The following COMMD1 variants were observed in gnomAD, a reference collection of about 807,000 sequenced individuals.
COMMD1 encodes the protein COMM domain-containing protein 1.
COMMD1 carries 10 observed loss-of-function variants against 17.2 expected under a neutral mutation model. That is an observed-to-expected ratio of 0.58 (90% CI 0.36 to 0.99). The LOEUF (loss-of-function observed/expected upper bound fraction) is 0.99, where lower values mean the gene tolerates loss of function less well. COMMD1 is among the 50% of genes least tolerant of loss of function. COMMD1 has a pLI of 0.01. For missense variants in COMMD1, 270 were observed against 231.8 expected (o/e 1.17, Z -1.07); for synonymous variants, 97 against 91.6 (o/e 1.06, Z -0.34).
chr2:62,095,833 T>TATATATA (rs1671991549), intron 2 of COMMD1, among the ~76,000 whole-genome samples: 1 of 137,096 alleles, frequency 7.3e-6, no homozygotes, highest in Non-Finnish European at 1.6e-5. Flanking sequence ...CATATCAGGG[T>TATATATA]TATATATACA....
chr2:62,010,559 A>G (rs1330067161), intron 2 of COMMD1, among the ~76,000 whole-genome samples: 1 of 152,202 alleles, frequency 6.6e-6, no homozygotes, highest in Non-Finnish European at 1.5e-5. Flanking sequence ...TTAAATGTGT[A>G]AAAGGTATCA....
chr2:62,119,966 GTTTA>G (rs139856602), intron 2 of COMMD1, among the ~76,000 whole-genome samples: 92 of 151,896 alleles, frequency 6.1e-4, no homozygotes, highest in African/African-American at 2.2e-3. Flanking sequence ...GGATGACTTT[GTTTA>G]TTTATTTTTT....
intron 1 of COMMD1, among the ~76,000 whole-genome samples, chr2:61,986,053 C>T (rs951972483): frequency 6.6e-6 from 1 of 152,166 alleles, no homozygotes; most frequent in African/African-American, 2.4e-5. Context: ...TCTTGTAGGA[C>T]AGGTCTGGTG....
chr2:62,053,639 A>C (rs1558578880), intron 2 of COMMD1, among the ~76,000 whole-genome samples: 1 of 152,232 alleles, frequency 6.6e-6, no homozygotes, highest in Non-Finnish European at 1.5e-5. Flanking sequence ...GACGATAATC[A>C]TCCAGCAGAA....
At chr2:61,905,642 A>C, upstream of COMMD1, 1 of 1,502,952 alleles carries the variant, frequency 6.7e-7, no homozygotes, top group Non-Finnish European at 8.9e-7. Flanking sequence ...GTGGCGGGGC[A>C]CGGCTCAGCT....
chr2:62,106,833 C>T (rs927268140), intron 2 of COMMD1, among the ~76,000 whole-genome samples: 17 of 152,076 alleles, frequency 1.1e-4, no homozygotes, highest in Non-Finnish European at 1.6e-4. Flanking sequence ...AGTGCACATC[C>T]GTGTGTGTGA....
intron 1 of COMMD1, among the ~76,000 whole-genome samples, chr2:61,939,153 A>T (rs1291729894): frequency 6.6e-6 from 1 of 152,074 alleles, no homozygotes; most frequent in Non-Finnish European, 1.5e-5. Context: ...CATAAAGTGC[A>T]GCAAGAATTG....
intron 2 of COMMD1, among the ~76,000 whole-genome samples, chr2:62,123,522 GAAAA>G (rs200376990): frequency 2.6e-5 from 3 of 117,522 alleles, no homozygotes; most frequent in African/African-American, 9.2e-5. Context: ...TAAAAAAAAA[GAAAA>G]AAAAAAACAG....
intron 1 of COMMD1, among the ~76,000 whole-genome samples, chr2:61,952,727 T>G (rs1671091014): frequency 6.6e-6 from 1 of 152,232 alleles, no homozygotes. Flanking sequence ...TTAAATTCTT[T>G]CTTTACTGGA....
At chr2:62,022,623 A>G (rs1225639613) in intron 2 of COMMD1, among the ~76,000 whole-genome samples, 1 of 150,206 alleles carries the variant, frequency 6.7e-6, no homozygotes, top group Non-Finnish European at 1.5e-5. Flanking sequence ...CAATAGCTGC[A>G]TATCACTTTT....
At position 61,911,008 on chromosome 2, in the gene COMMD1, G is replaced by A. The variant is rs191341247; in HGVS notation, c.180+5150G>A. Among the ~76,000 whole-genome samples the A allele has an allele frequency of 7.3e-3, 1,117 of 151,984 alleles. 13 individuals are homozygous for A. The highest frequency in any genetic ancestry group is 0.026 in the African/African-American group (1,071 of 41,436). On this transcript the variant is annotated intron_variant, in intron 1 of 2. Coordinates refer to ENST00000311832, the MANE Select transcript of COMMD1 (RefSeq NM_152516.4). ...TGGGGTGGGAGAATCACTTGAACCC[G>A]GGAGGCGGAGGTCGTGGTGAGCCGA... is the stretch of plus-strand genomic sequence containing the variant.
chr2:61,991,183 G>A (rs927046857), intron 1 of COMMD1, among the ~76,000 whole-genome samples: 2 of 150,266 alleles, frequency 1.3e-5, no homozygotes, highest in Non-Finnish European at 3.0e-5. Flanking sequence ...AATTTGTTTT[G>A]GCTCTGAGCC....
At chr2:61,896,993 C>A (rs1226328017) in intron 1 of COMMD1, among the ~76,000 whole-genome samples, 1 of 151,898 alleles carries the variant, frequency 6.6e-6, no homozygotes, top group African/African-American at 2.4e-5. Context: ...CCACATCTGG[C>A]TAATGTTTGT....
At chr2:61,965,206 G>A (rs1424303857) in intron 1 of COMMD1, among the ~76,000 whole-genome samples, 1 of 152,090 alleles carries the variant, frequency 6.6e-6, no homozygotes, top group Non-Finnish European at 1.5e-5. Flanking sequence ...TGCTATAGAT[G>A]AGTTATAATT....
chr2:62,073,728 C>T (rs1394967948), intron 2 of COMMD1, among the ~76,000 whole-genome samples: 1 of 152,118 alleles, frequency 6.6e-6, no homozygotes, highest in Admixed American at 6.5e-5. Flanking sequence ...GACAAAATTT[C>T]ACTTTTGTTG....
chr2:62,086,857 G>GT (rs70946785), intron 2 of COMMD1, among the ~76,000 whole-genome samples: 105 of 146,590 alleles, frequency 7.2e-4, no homozygotes, highest in Middle Eastern at 3.5e-3. Context: ...TTTTGTTTTT[G>GT]TTTTTTTTTT....
intron 1 of COMMD1, among the ~76,000 whole-genome samples, chr2:61,981,744 T>A (rs566468741): frequency 1.1e-4 from 16 of 152,116 alleles, no homozygotes; most frequent in African/African-American, 3.4e-4. Flanking sequence ...TCAGATCTTA[T>A]GAGATGTATT....
intron 2 of COMMD1, among the ~76,000 whole-genome samples, chr2:62,074,833 A>G (rs1671295227): frequency 1.3e-5 from 2 of 151,638 alleles, no homozygotes; most frequent in African/African-American, 4.9e-5. Flanking sequence ...CTGATGGCTT[A>G]CAAATTTAGG....
At chr2:61,947,716 CTT>C (rs543333587) in intron 1 of COMMD1, among the ~76,000 whole-genome samples, 30 of 132,184 alleles carry the variant, frequency 2.3e-4, no homozygotes, top group Non-Finnish European at 2.4e-4. Context: ...TTTTTTTGTA[CTT>C]TTTTTTTTTT....
Sources: allele counts gnomAD v4.1 joint callset (sites outside exome capture counted in the v4.1 genomes callset), GRCh38; gene constraint gnomAD v4.1.1; transcripts MANE v1.5; gene names NCBI Gene and HGNC (gene_info 2026-07-23, HGNC 2026-07-21).